DSCAM: variants seen among roughly 807,000 people sequenced by gnomAD.
DSCAM encodes the protein DS cell adhesion molecule, also known as cell adhesion molecule DSCAM.
DSCAM carries 47 observed loss-of-function variants against 217.7 expected under a neutral mutation model. That is an observed-to-expected ratio of 0.22 (90% confidence interval 0.17 to 0.28). The LOEUF is 0.28. Ranked by LOEUF, DSCAM falls within the 10% of genes least tolerant of loss-of-function variation. The pLI is 1.00. For missense variants in DSCAM, 2,080 were observed against 2,618.3 expected, an observed-to-expected ratio of 0.79 and a Z score of 4.49; for synonymous variants, 1,056 against 1,015.3, an observed-to-expected ratio of 1.04 and a Z score of -0.76.
intron 6 of DSCAM, among the ~76,000 whole-genome samples, 199 bp downstream of exon 6, chr21:40,347,471 T>TGTA (rs2074571253): frequency 6.6e-6 from 1 of 152,200 alleles, no homozygotes; most frequent in Non-Finnish European, 1.5e-5. Flanking sequence ...TTACTTCTAA[T>TGTA]ATGAAACAAT....
chr21:40,072,578 G>A (rs1319914265), intron 27 of DSCAM, among the ~76,000 whole-genome samples: 2 of 151,954 alleles, frequency 1.3e-5, no homozygotes, highest in African/African-American at 4.8e-5. Flanking sequence ...TCGATCTCCT[G>A]ACCTCGTGAT....
At chr21:40,555,058 A>G (rs568405615) in intron 3 of DSCAM, among the ~76,000 whole-genome samples, 1 of 152,352 alleles carries the variant, frequency 6.6e-6, no homozygotes, top group South Asian at 2.1e-4. Flanking sequence ...GAAATGATGC[A>G]TATTTTATAT....
At position 40,347,893 on chromosome 21, in the gene DSCAM, G is replaced by A. The variant is rs577276150; in HGVS notation, c.987C>T (p.Ser329=). The change falls in exon 6 of 33, where the codon AGC becomes AGT. Residue 329 remains serine (S), a synonymous_variant. Coordinates refer to ENST00000400454, the MANE Select transcript of DSCAM (RefSeq NM_001389.5). ...SPRKVKSSVG[S]QVSLSCSVTG... ...TCACGCTGCAGGACAAGGAAACTTG[G>A]CTACCCACGCTGCTTTTAACCTTCC... 8 of 1,614,002 alleles carry A rather than the reference G, an allele frequency of 5.0e-6. No individual in the cohort carries two copies. In the South Asian group the frequency reaches 5.5e-5, roughly 11 times the overall value.
chr21:40,088,127 C>G (rs1818038199), intron 21 of DSCAM, among the ~76,000 whole-genome samples: 1 of 152,292 alleles, frequency 6.6e-6, no homozygotes, highest in East Asian at 1.9e-4. Flanking sequence ...CGGGGCTTCT[C>G]CTGTCCTTTG....
At chr21:40,734,544 C>G (rs2091043804) in intron 1 of DSCAM, among the ~76,000 whole-genome samples, 1 of 152,216 alleles carries the variant, frequency 6.6e-6, no homozygotes, top group South Asian at 2.1e-4. Flanking sequence ...TCCATCCAAC[C>G]TGTGTAAATC....
intron 9 of DSCAM, among the ~76,000 whole-genome samples, chr21:40,303,776 A>G (rs1003422829): frequency 1.3e-5 from 2 of 152,176 alleles, no homozygotes; most frequent in African/African-American, 4.8e-5. Flanking sequence ...TATGATTTTC[A>G]TTTTTCCTGT....
chr21:40,563,856 TTA>T (rs2076745750), intron 3 of DSCAM, among the ~76,000 whole-genome samples: 1 of 150,598 alleles, frequency 6.6e-6, no homozygotes, highest in South Asian at 2.1e-4. Context: ...TTATATATGT[TTA>T]TATGTTTATA....
At chr21:40,718,737 G>A (rs1310521441) in intron 1 of DSCAM, among the ~76,000 whole-genome samples, 4 of 152,152 alleles carry the variant, frequency 2.6e-5, no homozygotes, top group South Asian at 4.1e-4. Flanking sequence ...GGGATAGGGA[G>A]TATTTTATAA....
At chr21:40,713,329 A>G (rs2090803734) in intron 1 of DSCAM, among the ~76,000 whole-genome samples, 1 of 152,232 alleles carries the variant, frequency 6.6e-6, no homozygotes, top group African/African-American at 2.4e-5. Context: ...ACAGTGGTCA[A>G]TGACACACAA....
chr21:40,194,921 C>A (rs2090991364), intron 11 of DSCAM, among the ~76,000 whole-genome samples: 1 of 152,118 alleles, frequency 6.6e-6, no homozygotes, highest in South Asian at 2.1e-4. Context: ...CTCTCCCCCT[C>A]AATAGCTAAT....
At chr21:40,537,440 AG>A (rs917335092) in intron 3 of DSCAM, among the ~76,000 whole-genome samples, 1 of 152,200 alleles carries the variant, frequency 6.6e-6, no homozygotes, top group African/African-American at 2.4e-5. Flanking sequence ...TAATGCCTCA[AG>A]AAGAAATTAC....
chr21:40,267,782 G>A (rs1180892227), intron 11 of DSCAM, among the ~76,000 whole-genome samples: 3 of 152,064 alleles, frequency 2.0e-5, no homozygotes, highest in Non-Finnish European at 1.5e-5. Flanking sequence ...TGTAAGTCCA[G>A]CTACTTGGGA....
At chr21:40,107,251 G>A (rs892583743) in intron 20 of DSCAM, among the ~76,000 whole-genome samples, 1 of 152,202 alleles carries the variant, frequency 6.6e-6, no homozygotes, top group Non-Finnish European at 1.5e-5. Context: ...TTCAGGAGCA[G>A]GTCATTCAAT....
At chr21:40,134,378 A>G (rs1241167639) in intron 18 of DSCAM, among the ~76,000 whole-genome samples, 2 of 152,322 alleles carry the variant, frequency 1.3e-5, no homozygotes, top group African/African-American at 4.8e-5. Context: ...TTAGGGCGAC[A>G]CACACACGCT....
intron 3 of DSCAM, among the ~76,000 whole-genome samples, chr21:40,609,970 G>T (rs2089291515): frequency 1.3e-5 from 2 of 152,132 alleles, no homozygotes; most frequent in African/African-American, 4.8e-5. Flanking sequence ...CAGTTCACGT[G>T]GGATTAATTT....
chr21:40,357,446 T>A (rs780651137), intron 4 of DSCAM, among the ~76,000 whole-genome samples: 20 of 152,200 alleles, frequency 1.3e-4, no homozygotes, highest in Non-Finnish European at 2.4e-4. Flanking sequence ...TTCAGTGAAC[T>A]AGAAGACACA....
At chr21:40,674,626 CTTTTTCTTTTT>C (rs1428132152) in intron 3 of DSCAM, among the ~76,000 whole-genome samples, 1 of 105,898 alleles carries the variant, frequency 9.4e-6, no homozygotes, top group Non-Finnish European at 1.8e-5. Context: ...TTTTCTTTTT[CTTTTTCTTTTT>C]TTTTTTTTTT....
chr21:40,280,618 AT>A (rs1370768939), intron 10 of DSCAM, among the ~76,000 whole-genome samples: 1 of 152,334 alleles, frequency 6.6e-6, no homozygotes, highest in Admixed American at 6.5e-5. Context: ...GGGAATCTGA[AT>A]TTTTTGTCAA....
At chr21:40,390,903 G>A (rs1484893518) in intron 3 of DSCAM, among the ~76,000 whole-genome samples, 1 of 152,082 alleles carries the variant, frequency 6.6e-6, no homozygotes, top group Non-Finnish European at 1.5e-5. Flanking sequence ...CATTTGAGGG[G>A]ACACAATTGA....
Sources: gnomAD v4.1 joint callset for allele counts (sites outside exome capture counted in the v4.1 genomes callset) on GRCh38, gnomAD v4.1.1 for gene constraint, MANE v1.5 for transcripts, NCBI Gene and HGNC (gene_info 2026-07-23, HGNC 2026-07-21) for gene names.